The following ARHGAP10 variants were observed in gnomAD, a reference collection of about 807,000 sequenced individuals.
The protein encoded by ARHGAP10 is Rho GTPase activating protein 10.
ARHGAP10 carries 87 observed loss-of-function variants against 108.6 expected under a neutral mutation model. That is an observed-to-expected ratio of 0.80 (90% CI 0.67 to 0.96). The LOEUF (loss-of-function observed/expected upper bound fraction) is 0.96. ARHGAP10 is among the 40% of genes least tolerant of loss of function. ARHGAP10 has a pLI of 0.00. For synonymous variants in ARHGAP10, 347 were observed against 341.1 expected (o/e 1.02, Z -0.19); for missense variants, 939 against 954.5 (o/e 0.98, Z 0.21).
At chr4:147,807,059 A>G (rs1180333436) in intron 1 of ARHGAP10, among the ~76,000 whole-genome samples, 1 of 152,184 alleles carries the variant, frequency 6.6e-6, no homozygotes, top group Admixed American at 6.5e-5. Flanking sequence ...GGGGCAGGTA[A>G]TTCTGCTGAA....
intron 1 of ARHGAP10, among the ~76,000 whole-genome samples, chr4:147,803,722 T>C (rs528304498): frequency 6.6e-6 from 1 of 152,366 alleles, no homozygotes; most frequent in South Asian, 2.1e-4. Context: ...CTTAATATAA[T>C]GACCTCCAGT....
chr4:148,054,131 A>G (rs371240632), intron 20 of ARHGAP10, among the ~76,000 whole-genome samples: 1 of 152,188 alleles, frequency 6.6e-6, no homozygotes, highest in African/African-American at 2.4e-5. Context: ...ATTATTTGCT[A>G]TTCATAAATT....
chr4:148,043,527 C>T (rs894445584), intron 19 of ARHGAP10, among the ~76,000 whole-genome samples: 14 of 145,616 alleles, frequency 9.6e-5, no homozygotes, highest in Admixed American at 2.8e-4. Flanking sequence ...ACTTGTAATC[C>T]GAACACTTTG....
intron 10 of ARHGAP10, among the ~76,000 whole-genome samples, chr4:147,906,033 GTCTA>G (rs1428076070): frequency 6.6e-6 from 1 of 152,120 alleles, no homozygotes; most frequent in East Asian, 1.9e-4. Context: ...GGCTCTCTTT[GTCTA>G]TTATTTGTGT....
chr4:147,900,638 C>G lies in ARHGAP10; in HGVS notation c.1035-6000C>G, dbSNP rs540697282. 2.0e-4 allele frequency among the ~76,000 whole-genome samples: 30 copies of G among 152,290 alleles called. No homozygotes were observed. In the South Asian group the frequency reaches 5.6e-3, roughly 28 times the overall value. ...GTGAGTGAGAAAATGGCAGTGTTCT[C>G]AGCTGAACCAGTAGAATGCATTGCA... On this transcript the variant is annotated intron_variant, in intron 10 of 22. Coordinates refer to ENST00000336498, the MANE Select transcript of ARHGAP10 (RefSeq NM_024605.4).
chr4:148,000,008 C>T (rs542682904), intron 18 of ARHGAP10, among the ~76,000 whole-genome samples: 8 of 151,714 alleles, frequency 5.3e-5, no homozygotes, highest in East Asian at 1.9e-4. Context: ...ACATGCGCCA[C>T]GTTGGTGTGC....
At chr4:148,022,889 T>C (rs1422037318) in intron 18 of ARHGAP10, among the ~76,000 whole-genome samples, 2 of 152,254 alleles carry the variant, frequency 1.3e-5, no homozygotes, top group African/African-American at 2.4e-5. Flanking sequence ...GGTGTAAATA[T>C]AACCTTCCAT....
At chr4:148,067,648 A>G (rs1461230318) in intron 22 of ARHGAP10, among the ~76,000 whole-genome samples, 5 of 152,210 alleles carry the variant, frequency 3.3e-5, no homozygotes, top group Non-Finnish European at 7.3e-5. Context: ...TTGCAGTGCA[A>G]TTCCTTTTTG....
chr4:147,850,825 C>T (rs912467072), intron 4 of ARHGAP10, among the ~76,000 whole-genome samples: 1 of 152,196 alleles, frequency 6.6e-6, no homozygotes, highest in Non-Finnish European at 1.5e-5. Context: ...TCTTTTGAAG[C>T]TCCTTCACCC....
chr4:148,041,766 A>G (rs538560467), intron 19 of ARHGAP10, among the ~76,000 whole-genome samples: 8 of 152,220 alleles, frequency 5.3e-5, no homozygotes, highest in South Asian at 4.1e-4. Context: ...CTCTTGACCA[A>G]TTGTGGTCAG....
intron 13 of ARHGAP10, among the ~76,000 whole-genome samples, chr4:147,922,839 A>G (rs1190606433): frequency 6.6e-6 from 1 of 152,168 alleles, no homozygotes. Flanking sequence ...TAATCTTGAA[A>G]TGTGCATGTG....
At chr4:147,741,767 T>TACACAC (rs369661175) in intron 1 of ARHGAP10, among the ~76,000 whole-genome samples, 39 of 134,682 alleles carry the variant, frequency 2.9e-4, no homozygotes, top group East Asian at 1.9e-3. Flanking sequence ...TCGTTCTCTT[T>TACACAC]ACACACACAC....
intron 19 of ARHGAP10, among the ~76,000 whole-genome samples, chr4:148,045,392 G>C (rs1270371745): frequency 6.6e-6 from 1 of 152,032 alleles, no homozygotes; most frequent in Admixed American, 6.6e-5. Flanking sequence ...CTGGAGTCTG[G>C]GGAGCTAGCT....
chr4:147,953,108 C>T (rs1738671819), intron 15 of ARHGAP10, among the ~76,000 whole-genome samples: 2 of 151,620 alleles, frequency 1.3e-5, no homozygotes, highest in South Asian at 2.1e-4. Context: ...TATTGTATTC[C>T]TGTGATAAAC....
At chr4:147,912,185 A>G (rs1295921700) in intron 12 of ARHGAP10, among the ~76,000 whole-genome samples, 2 of 152,068 alleles carry the variant, frequency 1.3e-5, no homozygotes, top group South Asian at 2.1e-4. Flanking sequence ...ATTATTTTAC[A>G]TTACAAATAT....
At chr4:147,831,089 A>G (rs572577304) in intron 3 of ARHGAP10, among the ~76,000 whole-genome samples, 1 of 152,332 alleles carries the variant, frequency 6.6e-6, no homozygotes, top group Admixed American at 6.5e-5. Flanking sequence ...CTGGTCTTTC[A>G]TGAAACTCTC....
chr4:147,993,333 T>C (rs1356152311), intron 18 of ARHGAP10, among the ~76,000 whole-genome samples: 4 of 152,252 alleles, frequency 2.6e-5, no homozygotes, highest in Non-Finnish European at 5.9e-5. Flanking sequence ...CATGAGTTAG[T>C]AATTGATTCG....
intron 10 of ARHGAP10, among the ~76,000 whole-genome samples, chr4:147,898,588 T>C (rs1736092964): frequency 6.6e-6 from 1 of 152,198 alleles, no homozygotes; most frequent in Non-Finnish European, 1.5e-5. Flanking sequence ...ATTTTCTGTT[T>C]ATTTTTTGGG....
intron 10 of ARHGAP10, among the ~76,000 whole-genome samples, chr4:147,884,512 T>G (rs1464884391): frequency 1.3e-5 from 2 of 152,356 alleles, no homozygotes; most frequent in East Asian, 1.9e-4. Flanking sequence ...CCTCCCCACC[T>G]TTTAGCTTCC....
Sources: gnomAD v4.1 joint callset for allele counts (sites outside exome capture counted in the v4.1 genomes callset) on GRCh38, gnomAD v4.1.1 for gene constraint, MANE v1.5 for transcripts, NCBI Gene and HGNC (gene_info 2026-07-23, HGNC 2026-07-21) for gene names.